IGFBP5: variants seen among roughly 807,000 people sequenced by gnomAD.
The protein encoded by IGFBP5 is insulin-like growth factor-binding protein 5.
Under a neutral mutation model 28.0 loss-of-function variants are expected in IGFBP5, and 12 were observed. That is an observed-to-expected ratio of 0.43 (90% confidence interval 0.27 to 0.69). IGFBP5 has a LOEUF of 0.69. Among genes scored for constraint, IGFBP5 ranks in the 30% least tolerant of loss-of-function variants. IGFBP5 has a pLI of 0.20. For missense variants in IGFBP5, 344 were observed against 381.6 expected, an observed-to-expected ratio of 0.90 and a Z score of 0.82; for synonymous variants, 152 against 150.2, an observed-to-expected ratio of 1.01 and a Z score of -0.09.
In IGFBP5 at chr2:216,675,920, T is replaced by C. The variant is rs1428607278; in HGVS notation, c.*831A>G. On this transcript the variant is annotated 3_prime_UTR_variant, in exon 4 of 4. Coordinates refer to ENST00000233813, the MANE Select transcript of IGFBP5 (RefSeq NM_000599.4). ...GCTTCAGCATGTACTGTAGTCACCG[T>C]GGAAGAACAAGTCTTTCCAATATTG... The C allele has an allele frequency of 6.6e-6, 1 of 152,390 alleles. No individual in the cohort carries two copies. The highest frequency in any genetic ancestry group is 1.9e-4 in the East Asian group (1 of 5,190). The allele number at this position is 152,390 out of a possible 1,614,324, so 9.4% of individuals were successfully genotyped here. A position where few individuals can be genotyped will look rare whatever the true frequency, so the allele number is the denominator to read the frequency against.
chr2:216,678,294 C>T (rs1270837179), intron 2 of IGFBP5, 63 bp from the exon 3 acceptor site: 59 of 1,442,660 alleles, frequency 4.1e-5, no homozygotes, highest in Non-Finnish European at 5.2e-5. Context: ...GCTGCGCTGA[C>T]GAATGGCCCA....
At chr2:216,693,170 A>G (rs569880522) in intron 1 of IGFBP5, among the ~76,000 whole-genome samples, 3 of 150,766 alleles carry the variant, frequency 2.0e-5, no homozygotes, top group South Asian at 4.2e-4. Flanking sequence ...TTTTTTAACT[A>G]AAGATCAGGT....
rs2160549 is a variant in IGFBP5, at chr2:216,676,859, T to C, written c.711A>G (p.Lys237=). The stretch of plus-strand genomic sequence containing the variant: ...TGTCCACGCACCAGCAGATGCCACG[T>C]TTGCGGCCACGGGAAGGTTTGCACT... ...RKQCKPSRGR[K]RGICWCVDKY... Residue 237 remains lysine, a synonymous_variant, in exon 4 of 4, where the codon AAA becomes AAG. Transcript: ENST00000233813. 1,608,332 of 1,614,052 alleles carry C rather than the reference T, an allele frequency of 1. 801,467 individuals carry two copies. The highest frequency in any genetic ancestry group is 1 in the East Asian group (44,852 of 44,852).
At chr2:216,683,510 C>G (rs1031817226) in intron 1 of IGFBP5, among the ~76,000 whole-genome samples, 6 of 152,268 alleles carry the variant, frequency 3.9e-5, no homozygotes, top group Admixed American at 2.0e-4. Flanking sequence ...AAGCGAGGCC[C>G]GGAGAGAACC....
intron 1 of IGFBP5, among the ~76,000 whole-genome samples, chr2:216,684,387 C>G (rs1437082966): frequency 6.6e-6 from 1 of 152,236 alleles, no homozygotes; most frequent in Non-Finnish European, 1.5e-5. Flanking sequence ...ATCACTCTAT[C>G]TCACTTGACC....
chr2:216,692,217 C>A lies in IGFBP5; in HGVS notation c.337+2222G>T, dbSNP rs565808248. 1.8e-3 allele frequency among the ~76,000 whole-genome samples: 275 copies of A among 152,156 alleles called. 1 individual carries two copies. The highest frequency in any genetic ancestry group is 6.5e-3 in the African/African-American group (268 of 41,536). On this transcript the variant is annotated intron_variant, in intron 1 of 3. Transcript: ENST00000233813. This position sits in a 1 kb window ranked among gnomAD's most constrained non-coding sequence, Gnocchi z 4.2. ...CAGCAGCCGGCCGGGCACCTGCCTT[C>A]GGCGGGGTGGAGTCGGAGAGGAGTG... is the stretch of plus-strand genomic sequence containing the variant.
rs34058237 is a variant in IGFBP5, at chr2:216,679,112, G to T, written c.338-33C>A. 4 of 1,579,736 alleles carry T rather than the reference G, an allele frequency of 2.5e-6. No individual in the cohort carries two copies. The African/African-American group carries it at 5.4e-5, about 21-fold the overall frequency. On this transcript the variant is annotated intron_variant, in intron 1 of 3. Transcript: ENST00000233813. This position sits in a 1 kb window ranked among gnomAD's most constrained non-coding sequence, Gnocchi z 4.6. Reference sequence around the variant, plus strand: ...AGAAGGAGCCGGAGGGTCAGCCCCCGTGGGCCAAGGTGCACACGGCCAGAG... The same window carrying T: ...AGAAGGAGCCGGAGGGTCAGCCCCCTTGGGCCAAGGTGCACACGGCCAGAG...
At chr2:216,681,121 G>C (rs13409647) in intron 1 of IGFBP5, among the ~76,000 whole-genome samples, 145 of 152,298 alleles carry the variant, frequency 9.5e-4, no homozygotes, top group African/African-American at 3.3e-3. Flanking sequence ...AGTAACACAG[G>C]CCTCACGCCA....
At position 216,673,269 on chromosome 2, in the gene IGFBP5, G is replaced by T; in HGVS notation, c.*3482C>A. ...CATGGAGGCCACAGAGGTGGTGGTG[G>T]GGAGATGGGGTGGGAGAGAAGGGGC... is the stretch of plus-strand genomic sequence containing the variant. On this transcript the variant is annotated 3_prime_UTR_variant, in exon 4 of 4. Transcript: ENST00000233813. This position sits in a 1 kb window ranked among gnomAD's most constrained non-coding sequence, Gnocchi z 4.3. 1 of 152,804 alleles carries T rather than the reference G, an allele frequency of 6.5e-6. No individual in the cohort carries two copies. The allele number at this position is 152,804 out of a possible 1,614,324, so 9.5% of individuals were successfully genotyped here. A position where few individuals can be genotyped will look rare whatever the true frequency, so the allele number is the denominator to read the frequency against.
At chr2:216,685,482 G>A (rs1397238315) in intron 1 of IGFBP5, among the ~76,000 whole-genome samples, 1 of 152,106 alleles carries the variant, frequency 6.6e-6, no homozygotes, top group African/African-American at 2.4e-5. Flanking sequence ...ACTGACTTGT[G>A]CCTGGGTATG....
intron 1 of IGFBP5, among the ~76,000 whole-genome samples, chr2:216,686,234 C>T (rs1050933444): frequency 1.3e-5 from 2 of 152,200 alleles, no homozygotes; most frequent in African/African-American, 2.4e-5. Context: ...TATCTCTATC[C>T]TTACCAGAGA....
At chr2:216,693,488 A>AGGT (rs367985322) in intron 1 of IGFBP5, among the ~76,000 whole-genome samples, 19 of 151,052 alleles carry the variant, frequency 1.3e-4, no homozygotes, top group Middle Eastern at 3.4e-3. Flanking sequence ...GCGGGGGTGG[A>AGGT]GGTGGTGGTG....
intron 1 of IGFBP5, among the ~76,000 whole-genome samples, chr2:216,684,442 C>T (rs1689012559): frequency 6.6e-6 from 1 of 152,192 alleles, no homozygotes. Context: ...AGATATTGTG[C>T]CTTAGCTTAC....
intron 1 of IGFBP5, among the ~76,000 whole-genome samples, chr2:216,693,552 C>T (rs1049864445): frequency 6.6e-6 from 1 of 152,004 alleles, no homozygotes; most frequent in African/African-American, 2.4e-5. Flanking sequence ...CTCACATCCC[C>T]TTTTGCCTCC....
At chr2:216,684,519 C>A (rs921675164) in intron 1 of IGFBP5, among the ~76,000 whole-genome samples, 5 of 152,076 alleles carry the variant, frequency 3.3e-5, no homozygotes, top group African/African-American at 1.2e-4. Flanking sequence ...CTTTGCCAGG[C>A]CACCCAGACC....
At chr2:216,677,203 A>G (rs1688911112) in intron 3 of IGFBP5, among the ~76,000 whole-genome samples, 1 of 151,870 alleles carries the variant, frequency 6.6e-6, no homozygotes, top group Admixed American at 6.6e-5. Flanking sequence ...CCTCTGGAGT[A>G]GCTGGGATTA....
At chr2:216,678,817 C>T (rs970029063) in intron 2 of IGFBP5, 33 bp downstream of exon 2, 4 of 1,567,590 alleles carry the variant, frequency 2.6e-6, no homozygotes, top group Non-Finnish European at 3.5e-6. Context: ...AGGTCAAAAG[C>T]TGGGAGGGAA....
chr2:216,688,031 G>A lies in IGFBP5; in HGVS notation c.337+6408C>T, dbSNP rs185530634. On this transcript the variant is annotated intron_variant, in intron 1 of 3. Transcript: ENST00000233813. ...AGTTGCCTTCTCAGGTGAGAGAGGG[G>A]TTTGCTGGTAGCCATTAACCATGTG... is the stretch of plus-strand genomic sequence containing the variant. Among the ~76,000 whole-genome samples, 38 of 152,266 alleles carry A rather than the reference G, an allele frequency of 2.5e-4. No homozygotes were observed. The East Asian group carries it at 5.2e-3, about 21-fold the overall frequency.
Position 216,692,606 on chromosome 2 carries a change from C to T in IGFBP5, c.337+1833G>A, listed in dbSNP as rs1373796501. On this transcript the variant is annotated intron_variant, in intron 1 of 3. Coordinates refer to ENST00000233813, the MANE Select transcript of IGFBP5 (RefSeq NM_000599.4). The surrounding 1 kb of genome is among the most constrained non-coding windows in gnomAD (Gnocchi z 4.2). The stretch of plus-strand genomic sequence containing the variant: ...AGCCGGGAAATCAATTAATGTTTTC[C>T]TTCTCCGCTAGGCTTTTCCAAATCC... 1.3e-5 allele frequency among the ~76,000 whole-genome samples: 2 copies of T among 152,138 alleles called. No individual in the cohort carries two copies. Among genetic ancestry groups the T allele is most frequent in the African/African-American group, 4.8e-5 (2 of 41,422 alleles).
Sources: allele counts gnomAD v4.1 joint callset (sites outside exome capture counted in the v4.1 genomes callset), GRCh38; gene constraint gnomAD v4.1.1; non-coding constraint Gnocchi (gnomAD v3.1); transcripts MANE v1.5; gene names NCBI Gene and HGNC (gene_info 2026-07-23, HGNC 2026-07-21).